The following RAB28 variants were observed in gnomAD, a reference collection of about 807,000 sequenced individuals.
RAB28 encodes the protein ras-related protein Rab-28.
A neutral mutation model predicts 31.7 loss-of-function variants in RAB28; 24 were observed. The ratio of observed to expected loss-of-function variants is 0.76; its 90% CI spans 0.55 to 1.06. The LOEUF (loss-of-function observed/expected upper bound fraction) is 1.06, where lower values mean the gene tolerates loss of function less well. RAB28 is among the 50% of genes least tolerant of loss of function. The probability of loss-of-function intolerance (pLI) is 0.00; values close to 1 mark genes in which losing one functional copy is unlikely to be tolerated. For missense variants in RAB28, 254 were observed against 258.5 expected (o/e 0.98, Z 0.12); for synonymous variants, 100 against 90.4 (o/e 1.11, Z -0.60).
intron 4 of RAB28, among the ~76,000 whole-genome samples, chr4:13,451,183 C>T (rs1714949286): frequency 6.6e-6 from 1 of 151,878 alleles, no homozygotes; most frequent in Non-Finnish European, 1.5e-5. Flanking sequence ...ACATTCTCAT[C>T]AGCATTTGTT....
At chr4:13,368,758 C>A in intron 6 of RAB28, 108 bp from the exon 7 acceptor site, 2 of 816,744 alleles carry the variant, frequency 2.4e-6, no homozygotes, top group Non-Finnish European at 3.6e-6. Flanking sequence ...TGATGATGGA[C>A]ACCATAAATG....
intron 4 of RAB28, among the ~76,000 whole-genome samples, chr4:13,446,542 G>C (rs1467614774): frequency 5.3e-5 from 8 of 152,168 alleles, no homozygotes; most frequent in Admixed American, 5.2e-4. Context: ...AAAATCTGTG[G>C]AAAAGCGTAG....
intron 4 of RAB28, among the ~76,000 whole-genome samples, chr4:13,412,637 A>C (rs1712507706): frequency 6.6e-6 from 1 of 152,140 alleles, no homozygotes; most frequent in Admixed American, 6.6e-5. Context: ...GAAGAATAAT[A>C]ATACAGGAAT....
intron 4 of RAB28, among the ~76,000 whole-genome samples, chr4:13,447,779 C>T (rs1360170342): frequency 1.3e-5 from 2 of 151,962 alleles, no homozygotes; most frequent in African/African-American, 4.8e-5. Context: ...ACCATACATG[C>T]AAACAGGATC....
At chr4:13,403,416 A>C (rs960322424) in intron 4 of RAB28, among the ~76,000 whole-genome samples, 3 of 152,200 alleles carry the variant, frequency 2.0e-5, no homozygotes, top group Admixed American at 6.5e-5. Flanking sequence ...TGAAAAATCC[A>C]AACTCCTTAA....
chr4:13,455,740 C>T (rs1044822114), intron 4 of RAB28, among the ~76,000 whole-genome samples: 2 of 152,196 alleles, frequency 1.3e-5, no homozygotes, highest in Non-Finnish European at 2.9e-5. Flanking sequence ...GATTCTCCTG[C>T]AGTAAGGAAT....
At position 13,450,234 on chromosome 4, in the gene RAB28, A is replaced by G. The variant is rs192538773; in HGVS notation, c.391+10465T>C. On this transcript the variant is annotated intron_variant, in intron 4 of 6. Coordinates refer to ENST00000330852, the MANE Select transcript of RAB28 (RefSeq NM_001017979.3). ...GCTTAGATTTCTAACATATATGTAA[A>G]AGCCACAAGTTAGGATTTAAGAAGC... 3.6e-3 allele frequency among the ~76,000 whole-genome samples: 543 copies of G among 151,978 alleles called. 5 individuals carry two copies. The highest frequency in any genetic ancestry group is 0.012 in the African/African-American group (502 of 41,546).
At chr4:13,415,770 C>T (rs893411418) in intron 4 of RAB28, among the ~76,000 whole-genome samples, 9 of 152,184 alleles carry the variant, frequency 5.9e-5, no homozygotes, top group Admixed American at 2.0e-4. Context: ...GGCGTGCGGG[C>T]GCACGGCATG....
chr4:13,437,364 G>T (rs1417270157), intron 4 of RAB28, among the ~76,000 whole-genome samples: 1 of 152,052 alleles, frequency 6.6e-6, no homozygotes, highest in Non-Finnish European at 1.5e-5. Flanking sequence ...ACTGACAAAT[G>T]GGACTTAATT....
At chr4:13,378,175 G>A (rs1447014440) in intron 5 of RAB28, among the ~76,000 whole-genome samples, 1 of 152,196 alleles carries the variant, frequency 6.6e-6, no homozygotes, top group African/African-American at 2.4e-5. Context: ...TAGTTGGCTG[G>A]AGACATAAGA....
intron 4 of RAB28, among the ~76,000 whole-genome samples, chr4:13,382,976 G>A (rs370388630): frequency 9.9e-5 from 15 of 152,048 alleles, no homozygotes; most frequent in South Asian, 2.1e-4. Context: ...CTAGAATTAC[G>A]GGCGTGAGCC....
intron 4 of RAB28, among the ~76,000 whole-genome samples, chr4:13,417,415 T>C (rs569343207): frequency 2.0e-5 from 3 of 152,330 alleles, no homozygotes; most frequent in African/African-American, 7.2e-5. Flanking sequence ...GTTTGAGCTC[T>C]GAAAATGGAC....
At chr4:13,426,914 T>G (rs978934363) in intron 4 of RAB28, among the ~76,000 whole-genome samples, 6 of 152,154 alleles carry the variant, frequency 3.9e-5, no homozygotes, top group African/African-American at 1.4e-4. Flanking sequence ...TAACATGTAC[T>G]TTAGAGGTTT....
At chr4:13,432,681 G>A (rs1315332834) in intron 4 of RAB28, among the ~76,000 whole-genome samples, 4 of 152,032 alleles carry the variant, frequency 2.6e-5, no homozygotes, top group African/African-American at 2.4e-5. Flanking sequence ...GTCATATCTC[G>A]GAAACTAAGC....
chr4:13,478,568 A>T (rs1022643414), intron 2 of RAB28, among the ~76,000 whole-genome samples: 2 of 151,630 alleles, frequency 1.3e-5, no homozygotes, highest in Non-Finnish European at 3.0e-5. Flanking sequence ...CCACTGTATC[A>T]CTCACATTTC....
At chr4:13,462,889 A>G (rs1355983551) in intron 3 of RAB28, among the ~76,000 whole-genome samples, 2 of 152,154 alleles carry the variant, frequency 1.3e-5, no homozygotes, top group Non-Finnish European at 2.9e-5. Flanking sequence ...TCTTCAAGCT[A>G]CTGGCCCCAC....
intron 6 of RAB28, among the ~76,000 whole-genome samples, chr4:13,375,015 A>G (rs1308523507): frequency 2.0e-5 from 3 of 152,104 alleles, no homozygotes; most frequent in Non-Finnish European, 2.9e-5. Flanking sequence ...CTACCCAGGT[A>G]TATTATTCAT....
At chr4:13,385,348 G>A (rs1560270642) in intron 4 of RAB28, among the ~76,000 whole-genome samples, 2 of 152,208 alleles carry the variant, frequency 1.3e-5, no homozygotes, top group East Asian at 3.9e-4. Flanking sequence ...AGGAAATGAA[G>A]AGAACCCCAG....
intron 4 of RAB28, among the ~76,000 whole-genome samples, chr4:13,412,386 C>A (rs115012213): frequency 6.6e-6 from 1 of 151,982 alleles, no homozygotes; most frequent in Non-Finnish European, 1.5e-5. Context: ...ATCTATACAC[C>A]GCAAGCAACT....
Sources: allele counts gnomAD v4.1 joint callset (sites outside exome capture counted in the v4.1 genomes callset), GRCh38; gene constraint gnomAD v4.1.1; transcripts MANE v1.5; gene names NCBI Gene and HGNC (gene_info 2026-07-23, HGNC 2026-07-21).